Variants in NUBPL observed in about 807,000 individuals in gnomAD.
NUBPL encodes NUBP iron-sulfur cluster assembly factor, mitochondrial.
In NUBPL, 31 loss-of-function variants were observed where a neutral mutation model predicts 45.7. That is an observed-to-expected ratio of 0.68 (90% CI 0.51 to 0.92). The LOEUF (loss-of-function observed/expected upper bound fraction) is 0.92, where lower values mean the gene tolerates loss of function less well. Ranked by LOEUF, NUBPL falls within the 40% of genes least tolerant of loss-of-function variation. The pLI, the probability that NUBPL is intolerant of heterozygous loss-of-function variation, is 0.00. For missense variants in NUBPL, 401 were observed against 398.7 expected, an observed-to-expected ratio of 1.01 and a Z score of -0.05; for synonymous variants, 144 against 140.9, an observed-to-expected ratio of 1.02 and a Z score of -0.15.
At chr14:31,622,649 A>C (rs2035095768) in intron 4 of NUBPL, among the ~76,000 whole-genome samples, 2 of 152,230 alleles carry the variant, frequency 1.3e-5, no homozygotes, top group South Asian at 2.1e-4. Context: ...CCATTCTTTC[A>C]GAGGGTGCAC....
At chr14:31,705,222 G>A (rs2037421339) in intron 6 of NUBPL, among the ~76,000 whole-genome samples, 1 of 152,232 alleles carries the variant, frequency 6.6e-6, no homozygotes, top group African/African-American at 2.4e-5. Flanking sequence ...CTGCCTTCAG[G>A]AGTGAAGCTG....
chr14:31,592,026 G>T (rs968536037), intron 3 of NUBPL, among the ~76,000 whole-genome samples: 13 of 152,152 alleles, frequency 8.5e-5, no homozygotes, highest in Non-Finnish European at 1.8e-4. Context: ...ATGGAGGAGG[G>T]GTAGTGCTTA....
intron 8 of NUBPL, among the ~76,000 whole-genome samples, chr14:31,843,420 C>T (rs1171482938): frequency 6.6e-6 from 1 of 152,200 alleles, no homozygotes; most frequent in Non-Finnish European, 1.5e-5. Context: ...AGAAAATAAA[C>T]ACACAAAGAC....
At chr14:31,683,706 T>C (rs1247169036) in intron 6 of NUBPL, among the ~76,000 whole-genome samples, 1 of 152,168 alleles carries the variant, frequency 6.6e-6, no homozygotes, top group African/African-American at 2.4e-5. Context: ...ACTTTTCAAT[T>C]TTTCTTTAGA....
chr14:31,858,018 T>A (rs1315787502), intron 10 of NUBPL, among the ~76,000 whole-genome samples: 2 of 152,206 alleles, frequency 1.3e-5, no homozygotes, highest in Non-Finnish European at 2.9e-5. Flanking sequence ...TACCAGAGAC[T>A]GGGCAGTTTA....
intron 4 of NUBPL, among the ~76,000 whole-genome samples, chr14:31,662,485 G>A (rs896848056): frequency 1.7e-4 from 26 of 151,688 alleles, no homozygotes; most frequent in African/African-American, 6.1e-4. Flanking sequence ...CCCACCCACC[G>A]ACAGGCCCTG....
intron 4 of NUBPL, among the ~76,000 whole-genome samples, chr14:31,670,663 A>T (rs892442278): frequency 6.6e-6 from 1 of 152,200 alleles, no homozygotes; most frequent in Non-Finnish European, 1.5e-5. Flanking sequence ...GGTGTAAGAA[A>T]GGGGTCCAGC....
At chr14:31,799,402 C>T (rs907637855) in intron 7 of NUBPL, among the ~76,000 whole-genome samples, 1 of 152,162 alleles carries the variant, frequency 6.6e-6, no homozygotes, top group African/African-American at 2.4e-5. Flanking sequence ...CCTTACTAAA[C>T]ATCCCTGCAA....
chr14:31,685,647 G>A (rs981382500), intron 6 of NUBPL, among the ~76,000 whole-genome samples: 12 of 148,570 alleles, frequency 8.1e-5, no homozygotes, highest in African/African-American at 3.1e-4. Flanking sequence ...TTAAAGGTCA[G>A]AGAGGTAAGT....
intron 6 of NUBPL, among the ~76,000 whole-genome samples, chr14:31,747,648 T>G (rs1300241374): frequency 6.6e-6 from 1 of 152,202 alleles, no homozygotes; most frequent in African/African-American, 2.4e-5. Context: ...TATGTGGTCT[T>G]GGTTGTAATT....
At chr14:31,776,308 C>A (rs759764414) in intron 6 of NUBPL, among the ~76,000 whole-genome samples, 9 of 152,142 alleles carry the variant, frequency 5.9e-5, no homozygotes, top group Admixed American at 1.3e-4. Flanking sequence ...TCATTGCTTT[C>A]GTGGCTCCTT....
At chr14:31,636,186 C>A (rs1326948280) in intron 4 of NUBPL, among the ~76,000 whole-genome samples, 1 of 152,026 alleles carries the variant, frequency 6.6e-6, no homozygotes, top group Non-Finnish European at 1.5e-5. Context: ...AAAGGGAATG[C>A]TTCCAGTTTT....
intron 8 of NUBPL, among the ~76,000 whole-genome samples, chr14:31,828,983 A>C (rs1353044414): frequency 6.6e-6 from 1 of 152,234 alleles, no homozygotes; most frequent in Admixed American, 6.5e-5. Flanking sequence ...AAGTATTCCA[A>C]ATGAAGGCTG....
intron 4 of NUBPL, among the ~76,000 whole-genome samples, chr14:31,665,366 A>G (rs900199303): frequency 1.3e-5 from 2 of 152,172 alleles, no homozygotes; most frequent in Non-Finnish European, 2.9e-5. Context: ...ATTTAGTGCT[A>G]TAAATTTCCC....
intron 6 of NUBPL, among the ~76,000 whole-genome samples, chr14:31,762,398 T>C (rs1018277688): frequency 1.3e-5 from 2 of 152,166 alleles, no homozygotes; most frequent in African/African-American, 4.8e-5. Context: ...GCTTCATGGG[T>C]ATTTGGCTTT....
intron 6 of NUBPL, among the ~76,000 whole-genome samples, chr14:31,756,102 G>A (rs2038656108): frequency 6.6e-6 from 1 of 151,542 alleles, no homozygotes; most frequent in African/African-American, 2.4e-5. Flanking sequence ...GGTTACTGTA[G>A]CCTTGTAGTA....
chr14:31,599,498 A>G (rs1293694293), intron 4 of NUBPL, 119 bp downstream of exon 4: 21 of 698,218 alleles, frequency 3.0e-5, no homozygotes, highest in Non-Finnish European at 4.9e-5. Flanking sequence ...GTAAGTCCTC[A>G]CTTAAGTTAG....
At position 31,690,767 on chromosome 14, in the gene NUBPL, GGTT is replaced by G. The variant is rs2037075033; in HGVS notation, c.513+17194_513+17196del. Among the ~76,000 whole-genome samples the G allele has an allele frequency of 2.0e-5, 3 of 152,162 alleles. No homozygotes were observed. In the South Asian group the frequency reaches 6.2e-4, roughly 32 times the overall value. ...ATGGCATAAAAGATGAGGGATGAAGGGTTTCAGATATGCACCTCAGAGAAATTC... is the reference window on the plus strand; with the variant it reads ...ATGGCATAAAAGATGAGGGATGAAGGTCAGATATGCACCTCAGAGAAATTC... On this transcript the variant is annotated intron_variant, in intron 6 of 10. Coordinates refer to ENST00000281081, the MANE Select transcript of NUBPL (RefSeq NM_025152.3).
chr14:31,646,232 G>A (rs2035848938), intron 4 of NUBPL, among the ~76,000 whole-genome samples: 1 of 151,340 alleles, frequency 6.6e-6, no homozygotes, highest in Non-Finnish European at 1.5e-5. Flanking sequence ...TACTGCCCAC[G>A]CTAGAGTGCA....
Sources: allele counts gnomAD v4.1 joint callset (sites outside exome capture counted in the v4.1 genomes callset), GRCh38; gene constraint gnomAD v4.1.1; transcripts MANE v1.5; gene names NCBI Gene and HGNC (gene_info 2026-07-23, HGNC 2026-07-21).